Variants in PDPR observed in about 807,000 individuals in gnomAD.
The protein encoded by PDPR is pyruvate dehydrogenase phosphatase regulatory subunit.
In PDPR, 50 loss-of-function variants were observed where a neutral mutation model predicts 102.2. The observed-to-expected ratio is 0.49, with a 90% CI of 0.39 to 0.62. PDPR has a LOEUF of 0.62. PDPR is among the 20% of genes least tolerant of loss of function. PDPR has a pLI of 0.00. For synonymous variants in PDPR, 259 were observed against 406.0 expected, an observed-to-expected ratio of 0.64 and a Z score of 4.35; for missense variants, 625 against 1,098.2, an observed-to-expected ratio of 0.57 and a Z score of 6.09.
chr16:70,152,056 C>T (rs939419014), intron 17 of PDPR, among the ~76,000 whole-genome samples: 2 of 152,280 alleles, frequency 1.3e-5, no homozygotes, highest in African/African-American at 4.8e-5. Flanking sequence ...GGGCATTGAG[C>T]TTGAGGTGGG....
At chr16:70,154,373 G>A (rs1221463176) in intron 18 of PDPR, among the ~76,000 whole-genome samples, 3 of 152,260 alleles carry the variant, frequency 2.0e-5, no homozygotes, top group Admixed American at 2.0e-4. Flanking sequence ...GTCAGGTGCG[G>A]TGGCTCACAA....
At chr16:70,120,407 T>A in intron 2 of PDPR, 54 bp from the exon 3 acceptor site, 1 of 885,938 alleles carries the variant, frequency 1.1e-6, no homozygotes, top group Non-Finnish European at 1.8e-6. Flanking sequence ...CCTTTCTCAT[T>A]AATCCCATGC....
intron 17 of PDPR, among the ~76,000 whole-genome samples, chr16:70,149,114 C>G (rs1357273991): frequency 6.6e-6 from 1 of 151,502 alleles, no homozygotes; most frequent in African/African-American, 2.4e-5. Flanking sequence ...AAGCTGGTCT[C>G]AAACTCCTGA....
Position 70,153,385 on chromosome 16 carries a change from C to G in PDPR, c.2053-6C>G. ...CTGCTTATGAACTTTCTGTCTCTTC[C>G]TATAGTACGCCCTGCATGTATACAA... On this transcript the variant is annotated splice_polypyrimidine_tract_variant and splice_region_variant and intron_variant, in intron 17 of 18. Coordinates refer to ENST00000288050, the MANE Select transcript of PDPR (RefSeq NM_017990.5). The G allele has an allele frequency of 6.2e-7, 1 of 1,610,164 alleles. No individual in the cohort carries two copies. The highest frequency in any genetic ancestry group is 1.1e-5 in the South Asian group (1 of 90,338).
At chr16:70,117,529 A>G (rs1455145133) in intron 2 of PDPR, among the ~76,000 whole-genome samples, 3 of 152,038 alleles carry the variant, frequency 2.0e-5, no homozygotes, top group African/African-American at 7.2e-5. Context: ...AAAAAAATAA[A>G]TAAGATGTCA....
chr16:70,152,291 A>C (rs1350524096), intron 17 of PDPR, among the ~76,000 whole-genome samples: 1 of 152,272 alleles, frequency 6.6e-6, no homozygotes, highest in Non-Finnish European at 1.5e-5. Flanking sequence ...GGCCAAGGTG[A>C]GTGAATCATC....
At chr16:70,132,954 A>G (rs956120991) in intron 9 of PDPR, among the ~76,000 whole-genome samples, 1 of 152,182 alleles carries the variant, frequency 6.6e-6, no homozygotes, top group Non-Finnish European at 1.5e-5. Flanking sequence ...CTGGGATTAC[A>G]GGTGCTTGCC....
intron 2 of PDPR, among the ~76,000 whole-genome samples, chr16:70,115,312 C>T (rs1329770503): frequency 6.6e-6 from 1 of 151,968 alleles, no homozygotes; most frequent in East Asian, 1.9e-4. Context: ...TTAGTAGAGA[C>T]GGGGTTTCAC....
At chr16:70,147,434 T>C in intron 16 of PDPR, 1 of 373,124 alleles carries the variant, frequency 2.7e-6, no homozygotes, top group South Asian at 2.0e-5. Context: ...CCATGCAGTG[T>C]GGCCTCTTTT....
intron 11 of PDPR, among the ~76,000 whole-genome samples, chr16:70,139,566 A>C (rs1247206880): frequency 1.3e-5 from 2 of 152,272 alleles, no homozygotes; most frequent in African/African-American, 4.8e-5. Context: ...TCCCATATAA[A>C]TACAAAACAT....
chr16:70,151,744 T>G (rs1258920241), intron 17 of PDPR, among the ~76,000 whole-genome samples: 1 of 152,296 alleles, frequency 6.6e-6, no homozygotes, highest in South Asian at 2.1e-4. Context: ...TCTAAGAGAT[T>G]ATTTGTGCCA....
At chr16:70,140,752 T>TTGC (rs1965626088) in intron 11 of PDPR, among the ~76,000 whole-genome samples, 1 of 152,072 alleles carries the variant, frequency 6.6e-6, no homozygotes, top group African/African-American at 2.4e-5. Context: ...GAGATGGAGG[T>TTGC]TGCAGTGAGC....
intron 17 of PDPR, among the ~76,000 whole-genome samples, chr16:70,150,300 C>T (rs571537321): frequency 7.2e-5 from 11 of 152,066 alleles, no homozygotes; most frequent in African/African-American, 2.4e-4. Context: ...GACAGGATTT[C>T]ACCATGTTGG....
chr16:70,130,606 A>T, intron 7 of PDPR, 62 bp downstream of exon 7: 1 of 1,598,410 alleles, frequency 6.3e-7, no homozygotes, highest in Non-Finnish European at 8.6e-7. Flanking sequence ...TTTTTGGTGT[A>T]GAGAAGTAAG....
rs1458592185 is a variant in PDPR, at chr16:70,159,839, C to G, written c.*2960C>G. ...TCCAGCAGGAATAAGGAGGGACAAC[C>G]ACAGCCTCCTCATCCATGTGTCATT... On this transcript the variant is annotated 3_prime_UTR_variant, in exon 19 of 19. Coordinates refer to ENST00000288050, the MANE Select transcript of PDPR (RefSeq NM_017990.5). 2 of 153,060 alleles carry G rather than the reference C, an allele frequency of 1.3e-5. No individual in the cohort carries two copies. The highest frequency in any genetic ancestry group is 4.8e-5 in the African/African-American group (2 of 41,498). 9.5% of individuals were successfully genotyped at this position (153,060 alleles called of 1,614,324 possible). A position where few individuals can be genotyped will look rare whatever the true frequency, so the allele number is the denominator to read the frequency against.
chr16:70,136,847 A>G (rs1056288253), intron 10 of PDPR, among the ~76,000 whole-genome samples: 35 of 152,310 alleles, frequency 2.3e-4, no homozygotes, highest in African/African-American at 6.7e-4. Flanking sequence ...GGTTCAGGCT[A>G]TTCTCCTACC....
rs1033155507 is a variant in PDPR at position 70,158,089 on chromosome 16, T to A, written c.*1210T>A. ...AAGGCTAGAGACCGCTTTTCCTCCT[T>A]TCCCCCCAGGCTCTTTGTTTCCCTC... On this transcript the variant is annotated 3_prime_UTR_variant, in exon 19 of 19. Transcript: ENST00000288050. 1.3e-5 allele frequency: 2 copies of A among 153,248 alleles called. No individual in the cohort carries two copies. Among genetic ancestry groups the A allele is most frequent in the African/African-American group, 4.8e-5 (2 of 41,484 alleles). 9.5% of individuals were successfully genotyped at this position (153,248 alleles called of 1,614,324 possible). A position where few individuals can be genotyped will look rare whatever the true frequency, so the allele number is the denominator to read the frequency against.
intron 18 of PDPR, among the ~76,000 whole-genome samples, chr16:70,155,503 A>G (rs998371843): frequency 2.6e-5 from 4 of 152,262 alleles, no homozygotes; most frequent in Middle Eastern, 3.2e-3. Flanking sequence ...GGGCCCAGCT[A>G]CTTGGGAGGC....
chr16:70,140,188 A>G (rs1196065331), intron 11 of PDPR, among the ~76,000 whole-genome samples: 2 of 152,176 alleles, frequency 1.3e-5, no homozygotes, highest in Non-Finnish European at 2.9e-5. Context: ...CCAAAACCAA[A>G]AAATTAGCCA....
Sources: allele counts gnomAD v4.1 joint callset (sites outside exome capture counted in the v4.1 genomes callset), GRCh38; gene constraint gnomAD v4.1.1; transcripts MANE v1.5; gene names NCBI Gene and HGNC (gene_info 2026-07-23, HGNC 2026-07-21).